SRGAP2C: variants seen among roughly 807,000 people sequenced by gnomAD.
SRGAP2C encodes the protein SLIT-ROBO Rho GTPase activating protein 2C, also known as SLIT-ROBO Rho GTPase-activating protein 2C.
In SRGAP2C, 15 loss-of-function variants were observed where a neutral mutation model predicts 25.1. The observed-to-expected ratio is 0.60, with a 90% CI of 0.40 to 0.92. SRGAP2C has a LOEUF of 0.92. Among genes scored for constraint, SRGAP2C ranks in the 40% least tolerant of loss-of-function variants. The probability of loss-of-function intolerance (pLI) is 0.00; values close to 1 mark genes in which losing one functional copy is unlikely to be tolerated. For missense variants in SRGAP2C, 144 were observed against 264.4 expected (o/e 0.54, Z 3.16); for synonymous variants, 44 against 96.6 (o/e 0.46, Z 3.19).
At chr1:121,383,359 C>A (rs587725896) in intron 8 of SRGAP2C, among the ~76,000 whole-genome samples, 1 of 151,690 alleles carries the variant, frequency 6.6e-6, no homozygotes, top group African/African-American at 2.4e-5. Context: ...GAGGTGGGGC[C>A]ACATCCTAGA....
intron 3 of SRGAP2C, among the ~76,000 whole-genome samples, chr1:121,319,087 AAAT>A (rs1250423660): frequency 7.0e-6 from 1 of 143,630 alleles, no homozygotes; most frequent in African/African-American, 2.6e-5. Context: ...TTGGAAATAA[AAAT>A]AATAATATTT....
At chr1:121,321,152 AG>A (rs1293715154) in intron 3 of SRGAP2C, among the ~76,000 whole-genome samples, 1 of 141,434 alleles carries the variant, frequency 7.1e-6, no homozygotes, top group Non-Finnish European at 1.5e-5. Flanking sequence ...AAGACATTGC[AG>A]TGGTATCTAA....
At chr1:121,208,812 C>T (rs587685058) in intron 2 of SRGAP2C, among the ~76,000 whole-genome samples, 60 of 152,238 alleles carry the variant, frequency 3.9e-4, no homozygotes, top group African/African-American at 1.3e-3. Context: ...CATTTTTATT[C>T]GGTTAGAGAG....
intron 2 of SRGAP2C, among the ~76,000 whole-genome samples, chr1:121,228,774 G>C (rs1319543513): frequency 2.0e-5 from 3 of 150,800 alleles, no homozygotes; most frequent in Non-Finnish European, 4.4e-5. Context: ...ATGTATGTGA[G>C]AATGGATTCA....
chr1:121,306,241 A>G (rs1186563769), intron 3 of SRGAP2C, among the ~76,000 whole-genome samples: 3 of 136,430 alleles, frequency 2.2e-5, no homozygotes, highest in African/African-American at 8.4e-5. Flanking sequence ...GAGTGAGTAG[A>G]CACTCCCTGT....
intron 2 of SRGAP2C, among the ~76,000 whole-genome samples, chr1:121,241,606 GA>G (rs1656122091): frequency 2.4e-5 from 1 of 41,038 alleles, no homozygotes; most frequent in South Asian, 8.7e-4. Flanking sequence ...GACACTTTTT[GA>G]ACACATTTTA....
chr1:121,368,583 C>T (rs1331487975), intron 5 of SRGAP2C, among the ~76,000 whole-genome samples: 15 of 151,918 alleles, frequency 9.9e-5, no homozygotes, highest in East Asian at 1.9e-4. Flanking sequence ...TGGAAAAGTT[C>T]GAGGTTAAAA....
intron 4 of SRGAP2C, chr1:121,360,096 A>C (rs1644923293): frequency 6.6e-6 from 1 of 152,118 alleles, no homozygotes; most frequent in Non-Finnish European, 1.5e-5. Context: ...CTCACCGCGA[A>C]GGTCCACAGC....
intron 3 of SRGAP2C, among the ~76,000 whole-genome samples, chr1:121,290,431 T>C (rs1657469890): frequency 6.6e-6 from 1 of 151,962 alleles, no homozygotes; most frequent in South Asian, 2.1e-4. Context: ...GATCGTATTC[T>C]GGGTAACAAT....
chr1:121,210,833 T>A (rs1655232585), intron 2 of SRGAP2C, among the ~76,000 whole-genome samples: 1 of 80,494 alleles, frequency 1.2e-5, no homozygotes, highest in South Asian at 4.0e-4. Flanking sequence ...GCTCCTAAGT[T>A]CCTTTTGTCT....
chr1:121,206,879 A>T (rs1655126100), intron 2 of SRGAP2C, among the ~76,000 whole-genome samples: 1 of 151,294 alleles, frequency 6.6e-6, no homozygotes, highest in Non-Finnish European at 1.5e-5. Context: ...CTAGGGGTGA[A>T]GTAAGAGTCA....
intron 3 of SRGAP2C, among the ~76,000 whole-genome samples, chr1:121,308,816 G>A (rs1657910294): frequency 2.0e-5 from 3 of 147,424 alleles, no homozygotes; most frequent in African/African-American, 7.6e-5. Context: ...GCACATGCCT[G>A]TAATCCCAGC....
intron 3 of SRGAP2C, among the ~76,000 whole-genome samples, chr1:121,285,888 C>A (rs1657353437): frequency 6.6e-6 from 1 of 151,902 alleles, no homozygotes; most frequent in African/African-American, 2.4e-5. Context: ...GATCACAGTC[C>A]ACAGCAGGGG....
intron 2 of SRGAP2C, among the ~76,000 whole-genome samples, chr1:121,284,272 TA>T (rs1657314074): frequency 6.9e-6 from 1 of 145,414 alleles, no homozygotes. Flanking sequence ...ATGAAGATGG[TA>T]AACAACATTT....
In SRGAP2C at chr1:121,242,166, AG is replaced by A. The variant is rs1425219368; in HGVS notation, c.68-42636del. ...TCTCATTCGTATATCAGAGCTGCAT[AG>A]TATTCCATTGTGTGGATGGCTGCCT... On this transcript the variant is annotated intron_variant, in intron 2 of 9. Coordinates refer to ENST00000367123, the MANE Select transcript of SRGAP2C (RefSeq NM_001329984.2). Among the ~76,000 whole-genome samples, 4 of 147,784 alleles carry A rather than the reference AG, an allele frequency of 2.7e-5. No individual in the cohort carries two copies. In the East Asian group the frequency reaches 8.2e-4, roughly 30 times the overall value.
chr1:121,383,313 G>T (rs1216162613), intron 8 of SRGAP2C, among the ~76,000 whole-genome samples: 2 of 148,394 alleles, frequency 1.3e-5, no homozygotes, highest in Non-Finnish European at 3.0e-5. Flanking sequence ...AGGGAGGGGG[G>T]CGCTCCCAGT....
At chr1:121,289,338 A>C (rs1478016809) in intron 3 of SRGAP2C, among the ~76,000 whole-genome samples, 2 of 150,642 alleles carry the variant, frequency 1.3e-5, no homozygotes, top group African/African-American at 2.4e-5. Context: ...CTCCGCAGCC[A>C]CTGGCCCGGG....
intron 3 of SRGAP2C, among the ~76,000 whole-genome samples, chr1:121,306,964 G>C (rs1157505579): frequency 6.6e-6 from 1 of 151,456 alleles, no homozygotes; most frequent in Non-Finnish European, 1.5e-5. Context: ...ACTTTGTTCT[G>C]TTATTCTTTT....
chr1:121,266,040 T>A (rs1553334233), intron 2 of SRGAP2C, among the ~76,000 whole-genome samples: 5 of 151,912 alleles, frequency 3.3e-5, no homozygotes, highest in African/African-American at 1.2e-4. Context: ...AATGGTGCAA[T>A]CTCTGCTCAC....
Sources: allele counts gnomAD v4.1 joint callset (sites outside exome capture counted in the v4.1 genomes callset), GRCh38; gene constraint gnomAD v4.1.1; transcripts MANE v1.5; gene names NCBI Gene and HGNC (gene_info 2026-07-23, HGNC 2026-07-21).